CACNA2D3: variants seen among roughly 807,000 people sequenced by gnomAD.
CACNA2D3 encodes the protein calcium voltage-gated channel auxiliary subunit alpha2delta 3.
CACNA2D3 carries 60 observed loss-of-function variants against 160.6 expected under a neutral mutation model. The observed-to-expected ratio is 0.37, with a 90% CI of 0.30 to 0.46. CACNA2D3 has a LOEUF of 0.46. CACNA2D3 is among the 20% of genes least tolerant of loss of function. The probability of loss-of-function intolerance (pLI) is 1.00; values close to 1 mark genes in which losing one functional copy is unlikely to be tolerated. For synonymous variants in CACNA2D3, 558 were observed against 492.9 expected (o/e 1.13, Z -1.75); for missense variants, 1,205 against 1,365.0 (o/e 0.88, Z 1.85).
chr3:54,516,402 T>C (rs886742864), intron 5 of CACNA2D3, among the ~76,000 whole-genome samples: 22 of 152,184 alleles, frequency 1.4e-4, no homozygotes, highest in Non-Finnish European at 5.9e-5. Context: ...GATGTTTTTC[T>C]TTTTTCCACC....
Position 54,967,948 on chromosome 3 carries a change from C to T in CACNA2D3, c.2450-502C>T, listed in dbSNP as rs542699580. On this transcript the variant is annotated intron_variant, in intron 27 of 37. Transcript: ENST00000474759. ...ACCTTGAGATGTGGACTCTAGGAGG[C>T]CAGTTAAACTAAGACACATTATAGT... Among the ~76,000 whole-genome samples the T allele has an allele frequency of 1.4e-3, 220 of 152,220 alleles. 2 individuals are homozygous for T. The highest frequency in any genetic ancestry group is 1.8e-3 in the Non-Finnish European group (125 of 68,010).
At chr3:54,335,361 G>A (rs1191833555) in intron 3 of CACNA2D3, among the ~76,000 whole-genome samples, 1 of 152,202 alleles carries the variant, frequency 6.6e-6, no homozygotes, top group Non-Finnish European at 1.5e-5. Flanking sequence ...AGGGCTGCTG[G>A]TTGCTCATTT....
At chr3:54,372,490 G>C (rs1698941855) in intron 3 of CACNA2D3, among the ~76,000 whole-genome samples, 1 of 152,070 alleles carries the variant, frequency 6.6e-6, no homozygotes, top group Admixed American at 6.5e-5. Flanking sequence ...CATGCACGGG[G>C]TACAGGTGAG....
intron 34 of CACNA2D3, among the ~76,000 whole-genome samples, chr3:55,009,764 C>T (rs1037777479): frequency 1.3e-5 from 2 of 152,242 alleles, no homozygotes; most frequent in Non-Finnish European, 2.9e-5. Flanking sequence ...GAGACAGACA[C>T]ACTGCCTGTG....
At chr3:54,591,567 G>GTTTTTT (rs397755008) in intron 9 of CACNA2D3, among the ~76,000 whole-genome samples, 10 of 121,366 alleles carry the variant, frequency 8.2e-5, no homozygotes, top group African/African-American at 1.5e-4. Flanking sequence ...GTTGAAAAAA[G>GTTTTTT]TTTTTTTTTT....
At chr3:54,996,053 A>T (rs947578850) in intron 31 of CACNA2D3, among the ~76,000 whole-genome samples, 3 of 152,256 alleles carry the variant, frequency 2.0e-5, no homozygotes, top group African/African-American at 7.2e-5. Flanking sequence ...GGTTTTATGA[A>T]TAATAATCAT....
At chr3:54,463,062 T>C (rs1700538124) in intron 4 of CACNA2D3, among the ~76,000 whole-genome samples, 1 of 152,066 alleles carries the variant, frequency 6.6e-6, no homozygotes, top group South Asian at 2.1e-4. Context: ...TATGAAATTC[T>C]GGGTTGAAAA....
intron 3 of CACNA2D3, among the ~76,000 whole-genome samples, chr3:54,354,060 C>T (rs1448064972): frequency 1.3e-5 from 2 of 152,200 alleles, no homozygotes; most frequent in Non-Finnish European, 2.9e-5. Flanking sequence ...TATCATGTCT[C>T]TTTAGCCAAG....
intron 35 of CACNA2D3, among the ~76,000 whole-genome samples, chr3:55,050,124 G>T (rs1009335604): frequency 6.6e-6 from 1 of 151,580 alleles, no homozygotes; most frequent in Non-Finnish European, 1.5e-5. Context: ...ATATTGTTAT[G>T]TATGAATTTG....
At chr3:54,632,322 T>G (rs1699258280) in intron 10 of CACNA2D3, 3 of 152,338 alleles carry the variant, frequency 2.0e-5, no homozygotes, top group Middle Eastern at 6.8e-3. Flanking sequence ...TTGGGAAAAT[T>G]TTTCCAGGAT....
At chr3:54,203,598 G>A (rs1362266822) in intron 2 of CACNA2D3, among the ~76,000 whole-genome samples, 2 of 152,184 alleles carry the variant, frequency 1.3e-5, no homozygotes, top group Non-Finnish European at 1.5e-5. Context: ...GCAGCTCTCC[G>A]CTGATGGGGA....
At chr3:54,654,380 A>G (rs2106869852) in intron 11 of CACNA2D3, among the ~76,000 whole-genome samples, 1 of 152,274 alleles carries the variant, frequency 6.6e-6, no homozygotes, top group Middle Eastern at 3.4e-3. Flanking sequence ...TTGTATTCCC[A>G]GTGAATTGGA....
intron 2 of CACNA2D3, among the ~76,000 whole-genome samples, chr3:54,199,804 A>G (rs1701146341): frequency 1.3e-5 from 2 of 152,216 alleles, no homozygotes; most frequent in Admixed American, 6.5e-5. Context: ...TATTCCATGT[A>G]TGATATTAAC....
At chr3:54,939,633 T>A (rs1701412905) in intron 27 of CACNA2D3, among the ~76,000 whole-genome samples, 1 of 152,220 alleles carries the variant, frequency 6.6e-6, no homozygotes, top group African/African-American at 2.4e-5. Context: ...AATAACCTGG[T>A]CCATCCCCCA....
At chr3:54,237,572 G>A (rs1701907015) in intron 2 of CACNA2D3, among the ~76,000 whole-genome samples, 1 of 152,116 alleles carries the variant, frequency 6.6e-6, no homozygotes, top group African/African-American at 2.4e-5. Context: ...CTGGATCCCT[G>A]GAGCTTGGCT....
intron 35 of CACNA2D3, among the ~76,000 whole-genome samples, chr3:55,028,633 ATAGT>A (rs1703615441): frequency 6.6e-6 from 1 of 152,254 alleles, no homozygotes; most frequent in African/African-American, 2.4e-5. Context: ...TGCAAAATAA[ATAGT>A]TAGAACCAGT....
At chr3:54,529,271 A>G (rs1701770564) in intron 5 of CACNA2D3, among the ~76,000 whole-genome samples, 1 of 152,124 alleles carries the variant, frequency 6.6e-6, no homozygotes, top group East Asian at 1.9e-4. Context: ...GTAGGCGTTC[A>G]TGTTAGCGGT....
chr3:54,240,128 G>GGCT (rs1278969200), intron 2 of CACNA2D3, among the ~76,000 whole-genome samples: 1 of 152,166 alleles, frequency 6.6e-6, no homozygotes, highest in African/African-American at 2.4e-5. Context: ...GTATTAAAGG[G>GGCT]GCTCTCTACG....
chr3:54,391,516 CTT>C (rs758458509), intron 4 of CACNA2D3, among the ~76,000 whole-genome samples: 1 of 142,012 alleles, frequency 7.0e-6, no homozygotes. Context: ...TTCTTTCTTT[CTT>C]TTTTTTTTTT....
Sources: allele counts gnomAD v4.1 joint callset (sites outside exome capture counted in the v4.1 genomes callset), GRCh38; gene constraint gnomAD v4.1.1; transcripts MANE v1.5; gene names NCBI Gene and HGNC (gene_info 2026-07-23, HGNC 2026-07-21).